The following SPG7 variants were observed in gnomAD, a reference collection of about 807,000 sequenced individuals.
The protein encoded by SPG7 is mitochondrial inner membrane m-AAA protease component paraplegin.
A neutral mutation model predicts 81.9 loss-of-function variants in SPG7; 103 were observed. The observed-to-expected ratio is 1.26, with a 90% confidence interval of 1.07 to 1.48. The LOEUF (loss-of-function observed/expected upper bound fraction) is 1.48, where lower values mean the gene tolerates loss of function less well. Ranked by LOEUF, SPG7 falls within the 40% of genes most tolerant of loss-of-function variation. The probability of loss-of-function intolerance (pLI) is 0.00; values close to 1 mark genes in which losing one functional copy is unlikely to be tolerated. For missense variants in SPG7, 1,241 were observed against 1,087.3 expected (o/e 1.14, Z -1.99); for synonymous variants, 534 against 444.2 (o/e 1.20, Z -2.54).
intron 5 of SPG7, chr16:89,529,167 C>A (rs2058307657): frequency 2.5e-6 from 1 of 407,386 alleles, no homozygotes; most frequent in African/African-American, 2.1e-5. Context: ...AAGCTGATCG[C>A]TTACATTTGA....
intron 3 of SPG7, among the ~76,000 whole-genome samples, chr16:89,513,739 CCT>C (rs1271148834): frequency 2.5e-5 from 2 of 78,668 alleles, no homozygotes; most frequent in African/African-American, 5.4e-5. Context: ...ATCCTTGAGG[CCT>C]CTCGCTGGAA....
chr16:89,556,946 T>G lies in SPG7; in HGVS notation c.2241T>G (p.Ile747Met), dbSNP rs2152413170. 6.2e-7 allele frequency: 1 copy of G among 1,614,042 alleles called. No homozygotes were observed. Among genetic ancestry groups the G allele is most frequent in the South Asian group, 1.1e-5 (1 of 91,072 alleles). The change falls in exon 17 of 17, where the codon ATT becomes ATG. Residue 747 changes from isoleucine (I) to methionine (M), a missense_variant. Ile to Met is a conservative substitution (Grantham distance 10). Coordinates refer to ENST00000645818, the MANE Select transcript of SPG7 (RefSeq NM_003119.4). ...ACTATGAGGACATTGAGGCTCTCATTGGCCCGCCGCCCCATGGGCCGAAGA... is the reference window on the plus strand; with the variant it reads ...ACTATGAGGACATTGAGGCTCTCATGGGCCCGCCGCCCCATGGGCCGAAGA... The part of the protein sequence containing the change: ...VINYEDIEAL[I>M]GPPPHGPKKM...
chr16:89,553,957 C>A lies in SPG7; in HGVS notation c.2100C>A (p.Asp700Glu). 1 of 1,611,016 alleles carries A rather than the reference C, an allele frequency of 6.2e-7. No individual in the cohort carries two copies. The highest frequency in any genetic ancestry group is 8.5e-7 in the Non-Finnish European group (1 of 1,179,942). The change falls in exon 15 of 17, where the codon GAC (aspartate) becomes GAA (glutamate). Residue 700 changes from aspartate (D) to glutamate (E), a missense_variant. By Grantham distance (45) the Asp-to-Glu change is conservative. Coordinates refer to ENST00000645818, the MANE Select transcript of SPG7 (RefSeq NM_003119.4). The stretch of plus-strand genomic sequence containing the variant: ...GCCAAGGCCTGCAGCAGATGATGGA[C>A]CATGTGAGTCGGCTCTGGCCACACC... ...PFSQGLQQMMDHEARLLVAKA... is the reference protein window; with the variant it reads ...PFSQGLQQMMEHEARLLVAKA...
chr16:89,548,988 G>T, intron 12 of SPG7: 1 of 455,448 alleles, frequency 2.2e-6, no homozygotes, highest in Non-Finnish European at 4.4e-6. Context: ...AGGTCCCCAG[G>T]GCTTCAGCTT....
intron 3 of SPG7, chr16:89,518,769 G>A (rs71396922): frequency 0.029 from 4,450 of 152,250 alleles, 99 homozygotes; most frequent in Non-Finnish European, 0.043. Context: ...GGTTGCTAGG[G>A]GTTAAGGATG....
chr16:89,548,879 T>C, intron 12 of SPG7: 1 of 448,078 alleles, frequency 2.2e-6, no homozygotes, highest in Non-Finnish European at 4.5e-6. Flanking sequence ...TTGCCCCAGG[T>C]GTTTGAGGAG....
chr16:89,554,483 C>T lies in SPG7; in HGVS notation c.2104-3C>T. On this transcript the variant is annotated splice_region_variant and splice_polypyrimidine_tract_variant and intron_variant, in intron 15 of 16. Transcript: ENST00000645818. ...CCCCTGACACAGTTCCCTCCACTCA[C>T]AGGAAGCAAGACTGCTGGTGGCCAA... 1 of 1,606,268 alleles carries T rather than the reference C, an allele frequency of 6.2e-7. No homozygotes were observed. The highest frequency in any genetic ancestry group is 8.5e-7 in the Non-Finnish European group (1 of 1,177,830).
Position 89,546,770 on chromosome 16 carries a change from C to T in SPG7, c.1552+10C>T. ...ACACCAGGATTCAGTGGTACGTTCT[C>T]AACCCGCAGCCTGGGCAGCGTCACG... is the stretch of plus-strand genomic sequence containing the variant. On this transcript the variant is annotated intron_variant, in intron 11 of 16. Transcript: ENST00000645818. 2.5e-6 allele frequency: 4 copies of T among 1,585,038 alleles called. No individual in the cohort carries two copies. The highest frequency in any genetic ancestry group is 2.2e-5 in the South Asian group (2 of 90,494).
rs769911439 is a variant in SPG7, at chr16:89,531,906, C to G, written c.990C>G (p.Ser330Arg). Reference sequence around the variant, plus strand: ...TTGCATTGTCTGCTGCCGTCCAGAGCCCAGAACGCTTCCTCCAGCTTGGCG... The same window carrying G: ...TTGCATTGTCTGCTGCCGTCCAGAGGCCAGAACGCTTCCTCCAGCTTGGCG... ...EVREFVDYLK[S>R]PERFLQLGAK... The change falls in exon 8 of 17, where the codon AGC becomes AGG. Residue 330 changes from serine to arginine, a missense_variant and splice_region_variant. Transcript: ENST00000645818. 2.5e-6 allele frequency: 4 copies of G among 1,614,086 alleles called. No individual in the cohort carries two copies. Among genetic ancestry groups the G allele is most frequent in the Non-Finnish European group, 3.4e-6 (4 of 1,179,950 alleles).
chr16:89,551,072 A>G (rs1029337215), intron 13 of SPG7: 9 of 230,588 alleles, frequency 3.9e-5, no homozygotes, highest in Non-Finnish European at 5.3e-5. Flanking sequence ...ACTTCAAACA[A>G]ACAAACAAAA....
chr16:89,550,180 G>GTT (rs1182404286), intron 12 of SPG7: 1 of 362,918 alleles, frequency 2.8e-6, no homozygotes, highest in Non-Finnish European at 5.4e-6. Flanking sequence ...ATTCTTTTTT[G>GTT]TTTGTTTTTT....
chr16:89,549,069 T>C (rs2058602525), intron 12 of SPG7: 1 of 456,088 alleles, frequency 2.2e-6, no homozygotes, highest in South Asian at 1.5e-5. Context: ...ACACCTGGCT[T>C]CTCTCCGACA....
chr16:89,540,899 G>T, intron 9 of SPG7: 5 of 985,200 alleles, frequency 5.1e-6, no homozygotes, highest in Non-Finnish European at 6.0e-6. Flanking sequence ...TGACCCAGGT[G>T]CCATTCAGTG....
chr16:89,510,606 T>C lies in SPG7; in HGVS notation c.286+14T>C. 6.6e-7 allele frequency: 1 copy of C among 1,520,850 alleles called. No homozygotes were observed. The highest frequency in any genetic ancestry group is 9.1e-7 in the Non-Finnish European group (1 of 1,095,090). 94.2% of individuals were successfully genotyped at this position (1,520,850 alleles called of 1,614,324 possible). A position where few individuals can be genotyped will look rare whatever the true frequency, so the allele number is the denominator to read the frequency against. On this transcript the variant is annotated intron_variant, in intron 2 of 16. Coordinates refer to ENST00000645818, the MANE Select transcript of SPG7 (RefSeq NM_003119.4). ...GGCAACTTTTAGGTATGTATCTGTT[T>C]AAAGAAGCAGCTGAGCATGACTGCA...
intron 9 of SPG7, among the ~76,000 whole-genome samples, chr16:89,535,418 G>A (rs1007616396): frequency 2.6e-5 from 4 of 152,240 alleles, no homozygotes; most frequent in Admixed American, 6.5e-5. Flanking sequence ...TCCCGACAGT[G>A]TGCAGGACGC....
intron 8 of SPG7, 117 bp from the exon 9 acceptor site, chr16:89,532,346 G>C: frequency 1.5e-6 from 2 of 1,296,316 alleles, no homozygotes; most frequent in Non-Finnish European, 2.2e-6. Context: ...TGTTTGTAGG[G>C]AATGGAGCTG....
At chr16:89,546,865 T>G (rs1472985646) in intron 11 of SPG7, 105 bp downstream of exon 11, 1 of 781,296 alleles carries the variant, frequency 1.3e-6, no homozygotes, top group Non-Finnish European at 2.3e-6. Flanking sequence ...GCGCTGCTCC[T>G]TCTCTGGGGG....
intron 11 of SPG7, chr16:89,547,368 C>T (rs2058576667): frequency 5.6e-6 from 1 of 178,128 alleles, no homozygotes; most frequent in Non-Finnish European, 1.2e-5. Context: ...AACTAACTGC[C>T]CTTGGGAGGA....
Position 89,536,816 on chromosome 16 carries a change from G to GA in SPG7, c.1324+4183dup, listed in dbSNP as rs779208899. 3.1e-6 allele frequency: 5 copies of GA among 1,614,142 alleles called. No individual in the cohort carries two copies. In the African/African-American group the frequency reaches 6.7e-5, roughly 22 times the overall value. The stretch of plus-strand genomic sequence containing the variant: ...CAGGGGACCATGAGGAAGCTCAGAG[G>GA]AAAGACCCCCGCCTGCTCCTGTCTC... On this transcript the variant is annotated intron_variant, in intron 9 of 16. Coordinates refer to ENST00000645818, the MANE Select transcript of SPG7 (RefSeq NM_003119.4).
Sources: gnomAD v4.1 joint callset for allele counts (sites outside exome capture counted in the v4.1 genomes callset) on GRCh38, gnomAD v4.1.1 for gene constraint, MANE v1.5 for transcripts, NCBI Gene and HGNC (gene_info 2026-07-23, HGNC 2026-07-21) for gene names.